Variants in SETD5 observed in about 807,000 individuals in gnomAD.
The protein encoded by SETD5 is SET domain containing 5.
Under a neutral mutation model 153.3 loss-of-function variants are expected in SETD5, and 44 were observed. That is an observed-to-expected ratio of 0.29 (90% CI 0.23 to 0.37). SETD5 has a LOEUF of 0.37. Among genes scored for constraint, SETD5 ranks in the 10% least tolerant of loss-of-function variants. The pLI is 1.00. For missense variants in SETD5, 1,544 were observed against 1,768.0 expected (o/e 0.87, Z 2.27); for synonymous variants, 716 against 645.2 (o/e 1.11, Z -1.66).
chr3:9,423,982 A>G (rs1184977998), intron 1 of SETD5, among the ~76,000 whole-genome samples: 1 of 152,184 alleles, frequency 6.6e-6, no homozygotes, highest in African/African-American at 2.4e-5. Flanking sequence ...AAGAAACTAG[A>G]TGGTGTGGAA....
In SETD5 at chr3:9,477,488, A is replaced by G. The variant is rs1286247532; in HGVS notation, c.*1397A>G. The G allele has an allele frequency of 1.3e-5, 2 of 152,496 alleles. No individual in the cohort carries two copies. Among genetic ancestry groups the G allele is most frequent in the Non-Finnish European group, 2.9e-5 (2 of 68,030 alleles). The allele number at this position is 152,496 out of a possible 1,614,324, so 9.4% of individuals were successfully genotyped here. ...CAGTGGACCTTCTTTTCTTTTGGAC[A>G]AGATAATACTGTGAGTTTCCCTCCT... On this transcript the variant is annotated 3_prime_UTR_variant, in exon 23 of 23. Transcript: ENST00000402198.
chr3:9,416,344 C>G (rs1181088050), intron 1 of SETD5, among the ~76,000 whole-genome samples: 1 of 152,170 alleles, frequency 6.6e-6, no homozygotes, highest in Non-Finnish European at 1.5e-5. Flanking sequence ...CACTGTCTGC[C>G]TGCTTTGGGG....
At position 9,476,319 on chromosome 3, in the gene SETD5, G is replaced by A. The variant is rs76610781; in HGVS notation, c.*228G>A. On this transcript the variant is annotated 3_prime_UTR_variant, in exon 23 of 23. Coordinates refer to ENST00000402198, the MANE Select transcript of SETD5 (RefSeq NM_001080517.3). ...GACTATAAAGAAGTTTCTCCCTGCTGTCAAGGGTACATTGTTGACAAGCAA... is the reference window on the plus strand; with the variant it reads ...GACTATAAAGAAGTTTCTCCCTGCTATCAAGGGTACATTGTTGACAAGCAA... 3 of 571,718 alleles carry A rather than the reference G, an allele frequency of 5.2e-6. No individual in the cohort carries two copies. The highest frequency in any genetic ancestry group is 2.3e-5 in the South Asian group (1 of 43,938). The allele number at this position is 571,718 out of a possible 1,614,324, so 35.4% of individuals were successfully genotyped here. A position where few individuals can be genotyped will look rare whatever the true frequency, so the allele number is the denominator to read the frequency against.
At position 9,413,469 on chromosome 3, in the gene SETD5, CT is replaced by C. The variant is rs1211050631; in HGVS notation, c.-176-10997del. Among the ~76,000 whole-genome samples the C allele has an allele frequency of 3.3e-5, 5 of 152,250 alleles. No homozygotes were observed. In the East Asian group the frequency reaches 7.7e-4, roughly 23 times the overall value. ...ATAAAATCTGCCCTTCTCTCTCCCC[CT>C]GACTTTATTGCTGCCCATCTGTAGT... On this transcript the variant is annotated intron_variant, in intron 1 of 22. Transcript: ENST00000402198.
At chr3:9,458,481 T>C (rs1461397172) in intron 17 of SETD5, among the ~76,000 whole-genome samples, 2 of 152,034 alleles carry the variant, frequency 1.3e-5, no homozygotes, top group East Asian at 3.9e-4. Flanking sequence ...CCAGGCATGA[T>C]GGTGGGTTGC....
chr3:9,433,321 A>T (rs1012810676), intron 3 of SETD5: 43 of 1,207,812 alleles, frequency 3.6e-5, no homozygotes, highest in Non-Finnish European at 4.7e-5. Flanking sequence ...TCAAGATGAG[A>T]GGTATGATAA....
At chr3:9,415,416 T>A (rs868537434) in intron 1 of SETD5, among the ~76,000 whole-genome samples, 1 of 152,178 alleles carries the variant, frequency 6.6e-6, no homozygotes, top group African/African-American at 2.4e-5. Context: ...CTGGATCTCA[T>A]AACAAGCCAC....
intron 15 of SETD5, 128 bp from the exon 16 acceptor site, chr3:9,448,260 A>C (rs1195383202): frequency 2.2e-6 from 3 of 1,378,338 alleles, no homozygotes; most frequent in South Asian, 3.0e-5. Context: ...CTTGTGTTCT[A>C]GTTGCTCAAT....
intron 1 of SETD5, among the ~76,000 whole-genome samples, chr3:9,417,524 C>T (rs1044472258): frequency 2.0e-5 from 3 of 150,992 alleles, no homozygotes; most frequent in East Asian, 2.0e-4. Context: ...CTCGCTCTAT[C>T]GCCCAGGCTG....
At chr3:9,447,599 C>A in intron 14 of SETD5, 87 bp from the exon 15 acceptor site, 1 of 1,383,676 alleles carries the variant, frequency 7.2e-7, no homozygotes, top group Non-Finnish European at 9.9e-7. Flanking sequence ...CATCAGTAGA[C>A]ATTCTGAATG....
intron 6 of SETD5, among the ~76,000 whole-genome samples, chr3:9,435,276 T>TA (rs916365848): frequency 4.0e-5 from 6 of 150,982 alleles, no homozygotes; most frequent in African/African-American, 1.5e-4. Context: ...GAACCCCTCT[T>TA]ACAAGTTCCC....
intron 16 of SETD5, among the ~76,000 whole-genome samples, chr3:9,453,047 T>C (rs2042812758): frequency 6.6e-6 from 1 of 152,192 alleles, no homozygotes; most frequent in South Asian, 2.1e-4. Flanking sequence ...TGTCAGTTTA[T>C]TATTCTAATC....
chr3:9,435,695 T>C, intron 6 of SETD5, 33 bp from the exon 7 acceptor site: 2 of 1,517,256 alleles, frequency 1.3e-6, no homozygotes, highest in Non-Finnish European at 1.8e-6. Flanking sequence ...TTGAGGCTAT[T>C]AGTACCTGAA....
intron 1 of SETD5, among the ~76,000 whole-genome samples, chr3:9,405,212 G>A (rs188706918): frequency 1.1e-3 from 160 of 152,212 alleles, no homozygotes; most frequent in African/African-American, 3.7e-3. Flanking sequence ...CTTAATTTTC[G>A]TTGGCCGTTC....
In SETD5 at chr3:9,399,201, C is replaced by A. The variant is rs74712834; in HGVS notation, c.-177+1224C>A. ...TCTTTGTTGGACAGATGTTACATAG[C>A]TATACTTGTGATTGGGGAGGATCCA... On this transcript the variant is annotated intron_variant, in intron 1 of 22. Coordinates refer to ENST00000402198, the MANE Select transcript of SETD5 (RefSeq NM_001080517.3). Among the ~76,000 whole-genome samples the A allele has an allele frequency of 1.4e-3, 216 of 152,316 alleles. 1 individual carries two copies. The highest frequency in any genetic ancestry group is 5.1e-3 in the African/African-American group (210 of 41,564).
chr3:9,462,191 A>G (rs545508200), intron 17 of SETD5, among the ~76,000 whole-genome samples: 2 of 152,328 alleles, frequency 1.3e-5, no homozygotes, highest in East Asian at 1.9e-4. Context: ...TTGCTTCCAG[A>G]TAATCTTCCT....
At chr3:9,431,529 T>G (rs539892619) in intron 3 of SETD5, 1 of 982,314 alleles carries the variant, frequency 1.0e-6, no homozygotes, top group Admixed American at 6.1e-5. Flanking sequence ...AGTGTCTAAC[T>G]GTGTATTCAA....
In SETD5 at chr3:9,473,495, C is replaced by G; in HGVS notation, c.3455C>G (p.Ser1152Cys). ...AVSPSDSRGT[S>C]SSHCRPQENI... ...AGCCCATCAGATTCCAGAGGCACTTCTTCATCTCACTGCAGACCTCAAGAG... is the reference window on the plus strand; with the variant it reads ...AGCCCATCAGATTCCAGAGGCACTTGTTCATCTCACTGCAGACCTCAAGAG... The change falls in exon 20 of 23, where the codon TCT (serine) becomes TGT (cysteine). Residue 1152 changes from serine to cysteine, a missense_variant. By Grantham distance (112) the Ser-to-Cys change is moderately radical (BLOSUM62 -1). This residue lies in a region of SETD5 where 93 missense variants were observed against 93.4 expected (regional missense o/e 1.00). Transcript: ENST00000402198. 1.2e-6 allele frequency: 2 copies of G among 1,613,764 alleles called. No homozygotes were observed. The highest frequency in any genetic ancestry group is 1.7e-6 in the Non-Finnish European group (2 of 1,179,834).
rs186585682 is a variant in SETD5 at position 9,473,723 on chromosome 3, C to T, written c.3497+186C>T. 4.6e-5 allele frequency among the ~76,000 whole-genome samples: 7 copies of T among 152,286 alleles called. No homozygotes were observed. The East Asian group carries it at 1.2e-3, about 25-fold the overall frequency. On this transcript the variant is annotated intron_variant, in intron 20 of 22. Transcript: ENST00000402198. ...TGTCAGCTGCAACCCCCCAGCTTTG[C>T]AGAATTAAGAATTACCAACATGCCT...
Sources: gnomAD v4.1 joint callset for allele counts (sites outside exome capture counted in the v4.1 genomes callset) on GRCh38, gnomAD v4.1.1 for gene constraint, gnomAD v4.1.1 regional missense constraint, MANE v1.5 for transcripts, NCBI Gene and HGNC (gene_info 2026-07-23, HGNC 2026-07-21) for gene names.